The following ZSWIM9 variants were observed in gnomAD, a reference collection of about 807,000 sequenced individuals.
ZSWIM9 encodes the protein uncharacterized protein ZSWIM9.
Under a neutral mutation model 25.0 loss-of-function variants are expected in ZSWIM9, and 11 were observed. The observed-to-expected ratio is 0.44, with a 90% CI of 0.28 to 0.73. The LOEUF is 0.73. Ranked by LOEUF, ZSWIM9 falls within the 30% of genes least tolerant of loss-of-function variation. The pLI is 0.16. For synonymous variants in ZSWIM9, 562 were observed against 582.1 expected (o/e 0.97, Z 0.50); for missense variants, 1,070 against 1,296.5 (o/e 0.83, Z 2.68).
At position 48,195,007 on chromosome 19, in the gene ZSWIM9, C is replaced by A; in HGVS notation, c.943C>A (p.Gln315Lys). The change falls in exon 4 of 4, where the codon CAG becomes AAG. Residue 315 changes from glutamine (Q) to lysine (K), a missense_variant. Physicochemically the swap from Gln to Lys is moderately conservative, Grantham distance 53. Transcript: ENST00000614654. The surrounding 1 kb of genome is among the most constrained non-coding windows in gnomAD (Gnocchi z 5.8). ...VRQLLPCARV[Q>K]ICRAQGLETL... is the part of the protein sequence containing the mutation. The stretch of plus-strand genomic sequence containing the variant: ...CCAGCTGCTGCCCTGCGCGCGCGTG[C>A]AGATCTGCCGCGCGCAGGGCCTGGA... 1 of 1,355,858 alleles carries A rather than the reference C, an allele frequency of 7.4e-7. No homozygotes were observed. The highest frequency in any genetic ancestry group is 9.4e-7 in the Non-Finnish European group (1 of 1,061,616). 84.0% of individuals were successfully genotyped at this position (1,355,858 alleles called of 1,614,324 possible).
At position 48,195,745 on chromosome 19, in the gene ZSWIM9, G is replaced by T. The variant is rs1465459863; in HGVS notation, c.1681G>T (p.Gly561Trp). ...LRGPEIRDWR[G>W]PQLEGEKDWG... ...AGGGCCAGAGATTAGAGACTGGAGG[G>T]GGCCCCAGTTGGAGGGTGAGAAAGA... The change falls in exon 4 of 4, where the codon GGG becomes TGG. Residue 561 changes from glycine to tryptophan, a missense_variant. Physicochemically the swap from Gly to Trp is radical, Grantham distance 184. Around this residue, in one of 4 missense-constraint regions of ZSWIM9, gnomAD observed 583 missense variants for 624.7 expected, o/e 0.93. Coordinates refer to ENST00000614654, the MANE Select transcript of ZSWIM9 (RefSeq NM_199341.4). The surrounding 1 kb of genome is among the most constrained non-coding windows in gnomAD (Gnocchi z 5.8). 6.7e-7 allele frequency: 1 copy of T among 1,486,578 alleles called. No homozygotes were observed. Among genetic ancestry groups the T allele is most frequent in the Non-Finnish European group, 8.9e-7 (1 of 1,125,508 alleles). The allele number at this position is 1,486,578 out of a possible 1,614,324, so 92.1% of individuals were successfully genotyped here.
At chr19:48,174,891 G>A (rs274869) in intron 2 of ZSWIM9, 91,468 of 152,012 alleles carry the variant, frequency 0.6, 28,768 homozygotes, top group East Asian at 0.87. Flanking sequence ...TTTAGAATCC[G>A]AGACTGATCT....
At chr19:48,188,537 T>C (rs1161062730) in intron 3 of ZSWIM9, among the ~76,000 whole-genome samples, 1 of 151,756 alleles carries the variant, frequency 6.6e-6, no homozygotes, top group Non-Finnish European at 1.5e-5. Flanking sequence ...TTTAACACCT[T>C]TTATCACCTG....
intron 3 of ZSWIM9, chr19:48,193,068 C>A: frequency 6.4e-6 from 1 of 155,336 alleles, no homozygotes. Flanking sequence ...TAGACTTGTG[C>A]TGAATACTGC....
rs1300995066 is a variant in ZSWIM9, at chr19:48,194,686, G to C, written c.622G>C (p.Val208Leu). The part of the protein sequence containing the change: ...KLVFVEDQAV[V>L]ETVFFLTSRT... ...GGTGTTCGTGGAGGACCAGGCTGTG[G>C]TGGAGACGGTGTTCTTCCTGACGTC... Residue 208 changes from valine to leucine, a missense_variant, in exon 4 of 4, where the codon GTG (valine) becomes CTG (leucine). Physicochemically the swap from Val to Leu is conservative, Grantham distance 32. Transcript: ENST00000614654. The surrounding 1 kb of genome is among the most constrained non-coding windows in gnomAD (Gnocchi z 6.0). 2.6e-6 allele frequency: 4 copies of C among 1,521,512 alleles called. No homozygotes were observed. The highest frequency in any genetic ancestry group is 3.5e-6 in the Non-Finnish European group (4 of 1,138,996). 94.3% of individuals were successfully genotyped at this position (1,521,512 alleles called of 1,614,324 possible).
intron 3 of ZSWIM9, chr19:48,187,599 A>G (rs1351492305): frequency 2.0e-5 from 2 of 99,244 alleles, no homozygotes; most frequent in East Asian, 2.4e-4. Context: ...ATAATATAAT[A>G]TTATATATTA....
chr19:48,197,374 A>G lies in ZSWIM9; in HGVS notation c.*547A>G. 2 of 684,148 alleles carry G rather than the reference A, an allele frequency of 2.9e-6. No individual in the cohort carries two copies. The highest frequency in any genetic ancestry group is 5.3e-6 in the Non-Finnish European group (2 of 375,798). 42.4% of individuals were successfully genotyped at this position (684,148 alleles called of 1,614,324 possible). The stretch of plus-strand genomic sequence containing the variant: ...AAAAGCTGGGGGAAGCAGGAGAGGA[A>G]GGGACGGGATGTAGGAGGGGGAAGA... On this transcript the variant is annotated 3_prime_UTR_variant, in exon 4 of 4. Coordinates refer to ENST00000614654, the MANE Select transcript of ZSWIM9 (RefSeq NM_199341.4).
intron 2 of ZSWIM9, among the ~76,000 whole-genome samples, chr19:48,172,433 G>A (rs1441265253): frequency 2.0e-5 from 3 of 151,630 alleles, no homozygotes; most frequent in Admixed American, 6.6e-5. Flanking sequence ...TCAGCCTCCC[G>A]AGTAGCTAGG....
At chr19:48,177,806 G>A (rs1240004955) in intron 2 of ZSWIM9, among the ~76,000 whole-genome samples, 2 of 152,182 alleles carry the variant, frequency 1.3e-5, no homozygotes, top group Non-Finnish European at 2.9e-5. Flanking sequence ...TGCACGCGGG[G>A]ATTTCCTTTG....
rs1326037851 is a variant in ZSWIM9, at chr19:48,194,730, G to A, written c.666G>A (p.Leu222=). ...TGACGTCGCGCACCAGGGCGCTGCT[G>A]CGGCGCTTCCCTCGCATGCTGCTGG... ...FFLTSRTRAL[L]RRFPRMLLVD... is the part of the protein sequence containing the mutation. The change falls in exon 4 of 4, where the codon CTG becomes CTA. Residue 222 remains leucine (L), a synonymous_variant. Transcript: ENST00000614654. The surrounding 1 kb of genome is among the most constrained non-coding windows in gnomAD (Gnocchi z 6.0). 7 of 1,533,040 alleles carry A rather than the reference G, an allele frequency of 4.6e-6. No individual in the cohort carries two copies. In the African/African-American group the frequency reaches 9.6e-5, roughly 21 times the overall value. 95.0% of individuals were successfully genotyped at this position (1,533,040 alleles called of 1,614,324 possible). A position where few individuals can be genotyped will look rare whatever the true frequency, so the allele number is the denominator to read the frequency against.
chr19:48,175,599 G>T (rs1266509211), intron 2 of ZSWIM9, among the ~76,000 whole-genome samples: 3 of 152,114 alleles, frequency 2.0e-5, no homozygotes, highest in Non-Finnish European at 4.4e-5. Context: ...GTCAGTTCTG[G>T]GTGGAGGAAG....
chr19:48,194,955 G>A lies in ZSWIM9; in HGVS notation c.891G>A (p.Glu297=). Residue 297 remains glutamate (E), a synonymous_variant, in exon 4 of 4, where the codon GAG becomes GAA. Transcript: ENST00000614654. This position sits in a 1 kb window ranked among gnomAD's most constrained non-coding sequence, Gnocchi z 6.0. ...TGCGCTGCCTCACCGCCGGGCCCGA[G>A]GTGGCGGCGCAGTTGCCTGCAGTGC... The part of the protein sequence containing the change: ...GRVRCLTAGP[E]VAAQLPAVRQ... 7.5e-7 allele frequency: 1 copy of A among 1,328,496 alleles called. No individual in the cohort carries two copies. Among genetic ancestry groups the A allele is most frequent in the Non-Finnish European group, 9.6e-7 (1 of 1,041,360 alleles). 82.3% of individuals were successfully genotyped at this position (1,328,496 alleles called of 1,614,324 possible). A position where few individuals can be genotyped will look rare whatever the true frequency, so the allele number is the denominator to read the frequency against.
At chr19:48,175,248 C>T (rs2036880578) in intron 2 of ZSWIM9, among the ~76,000 whole-genome samples, 1 of 152,006 alleles carries the variant, frequency 6.6e-6, no homozygotes, top group Admixed American at 6.6e-5. Flanking sequence ...ATGGAGGGGG[C>T]GAGGACAGGG....
chr19:48,176,037 C>G (rs2036889880), intron 2 of ZSWIM9, among the ~76,000 whole-genome samples: 1 of 152,190 alleles, frequency 6.6e-6, no homozygotes, highest in African/African-American at 2.4e-5. Flanking sequence ...GAAACCCTGT[C>G]TGTACTAAAA....
At chr19:48,191,697 G>A (rs569076345) in intron 3 of ZSWIM9, among the ~76,000 whole-genome samples, 63 of 152,242 alleles carry the variant, frequency 4.1e-4, no homozygotes, top group African/African-American at 1.3e-3. Context: ...ATGCTTCCCC[G>A]TGCTACCAAT....
At chr19:48,187,429 T>TATATTA in intron 3 of ZSWIM9, among the ~76,000 whole-genome samples, 1 of 103,990 alleles carries the variant, frequency 9.6e-6, no homozygotes, top group Non-Finnish European at 1.8e-5. Flanking sequence ...ATATATTATA[T>TATATTA]TATATTATAT....
At chr19:48,189,290 G>A (rs912562148) in intron 3 of ZSWIM9, among the ~76,000 whole-genome samples, 3 of 152,084 alleles carry the variant, frequency 2.0e-5, no homozygotes, top group Non-Finnish European at 2.9e-5. Context: ...ATCCATCCAT[G>A]GATTACTACA....
At position 48,197,464 on chromosome 19, in the gene ZSWIM9, G is replaced by T; in HGVS notation, c.*637G>T. ...GTAGAGACGAAATGCAAGGGGCGTG[G>T]TTTTGGTTTTTCTCCAAGACCTGGA... On this transcript the variant is annotated 3_prime_UTR_variant, in exon 4 of 4. Transcript: ENST00000614654. 1.7e-6 allele frequency: 1 copy of T among 573,822 alleles called. No individual in the cohort carries two copies. The highest frequency in any genetic ancestry group is 3.1e-6 in the Non-Finnish European group (1 of 321,540). 35.5% of individuals were successfully genotyped at this position (573,822 alleles called of 1,614,324 possible). A position where few individuals can be genotyped will look rare whatever the true frequency, so the allele number is the denominator to read the frequency against.
chr19:48,192,478 A>ATGT (rs1209593378), intron 3 of ZSWIM9, among the ~76,000 whole-genome samples: 497 of 21,418 alleles, frequency 0.023, 48 homozygotes, highest in African/African-American at 0.063. Context: ...AAAAAAAAAA[A>ATGT]AAATATATAT....
Sources: gnomAD v4.1 joint callset for allele counts (sites outside exome capture counted in the v4.1 genomes callset) on GRCh38, gnomAD v4.1.1 for gene constraint, gnomAD v4.1.1 regional missense constraint, Gnocchi (gnomAD v3.1) non-coding constraint, MANE v1.5 for transcripts, NCBI Gene and HGNC (gene_info 2026-07-23, HGNC 2026-07-21) for gene names.